Variants in USP37 observed in about 807,000 individuals in gnomAD.
USP37 encodes ubiquitin carboxyl-terminal hydrolase 37.
In USP37, 27 loss-of-function variants were observed where a neutral mutation model predicts 124.0. The observed-to-expected ratio is 0.22, with a 90% CI of 0.16 to 0.30. USP37 has a LOEUF of 0.30. Among genes scored for constraint, USP37 ranks in the 10% least tolerant of loss-of-function variants. USP37 has a pLI of 1.00. For missense variants in USP37, 889 were observed against 1,140.4 expected (o/e 0.78, Z 3.17); for synonymous variants, 365 against 388.0 (o/e 0.94, Z 0.70).
At chr2:218,461,515 AAAAAAAG>A (rs1402013490) in intron 22 of USP37, among the ~76,000 whole-genome samples, 1 of 151,686 alleles carries the variant, frequency 6.6e-6, no homozygotes, top group African/African-American at 2.4e-5. Flanking sequence ...TCAAAAGAAA[AAAAAAAG>A]AAAAAAGAAA....
chr2:218,467,211 G>A (rs1690381025), intron 20 of USP37, among the ~76,000 whole-genome samples: 1 of 148,372 alleles, frequency 6.7e-6, no homozygotes. Context: ...CCAGGCTGGA[G>A]TGCAGTGGCT....
rs1219379115 is a variant in USP37, at chr2:218,463,363, C to T, written c.2470G>A (p.Ala824Thr). The change falls in exon 22 of 26, where the codon GCT becomes ACT. Residue 824 changes from alanine (A) to threonine (T), a missense_variant. Physicochemically the swap from Ala to Thr is moderately conservative, Grantham distance 58 (BLOSUM62 0). Coordinates refer to ENST00000258399, the MANE Select transcript of USP37 (RefSeq NM_020935.3). ...ALAQSLQEQE[A>T]WEQKEDDDLK... The stretch of plus-strand genomic sequence containing the variant: ...TCATCATCTTCTTTCTGTTCCCAAG[C>T]CTCCTAAAGGGAAAAGAACAAAAAC... 1.2e-6 allele frequency: 2 copies of T among 1,613,748 alleles called. No homozygotes were observed. The highest frequency in any genetic ancestry group is 2.7e-5 in the African/African-American group (2 of 74,836).
intron 18 of USP37, among the ~76,000 whole-genome samples, chr2:218,479,085 A>G (rs1453881356): frequency 6.6e-6 from 1 of 152,224 alleles, no homozygotes; most frequent in African/African-American, 2.4e-5. Context: ...CTTAGAGGAA[A>G]TATATTTAAA....
At chr2:218,565,979 G>A (rs571558038) in intron 1 of USP37, among the ~76,000 whole-genome samples, 2 of 152,262 alleles carry the variant, frequency 1.3e-5, no homozygotes, top group East Asian at 3.9e-4. Context: ...AATTTAGGGG[G>A]CGGAGGTTGC....
intron 19 of USP37, among the ~76,000 whole-genome samples, chr2:218,475,925 CA>C (rs5838701): frequency 2.8e-4 from 40 of 142,424 alleles, no homozygotes; most frequent in Non-Finnish European, 2.9e-4. Flanking sequence ...GACTCCGTCT[CA>C]AAAAAAAAAA....
At position 218,460,717 on chromosome 2, in the gene USP37, C is replaced by T. The variant is rs188036658; in HGVS notation, c.2528-812G>A. Among the ~76,000 whole-genome samples, 501 of 151,584 alleles carry T rather than the reference C, an allele frequency of 3.3e-3. 12 individuals are homozygous for T. Among genetic ancestry groups the T allele is most frequent in the Admixed American group, 0.032 (494 of 15,206 alleles). On this transcript the variant is annotated intron_variant, in intron 22 of 25. Coordinates refer to ENST00000258399, the MANE Select transcript of USP37 (RefSeq NM_020935.3). ...CAGCACTTTGGGAGGCTGAGGTGGG[C>T]GGATCACAAGGTCAAGAGATCAAGA... is the stretch of plus-strand genomic sequence containing the variant.
In USP37 at chr2:218,450,418, C is replaced by T. The variant is rs1423027765; in HGVS notation, c.*4512G>A. 1 of 152,612 alleles carries T rather than the reference C, an allele frequency of 6.6e-6. No homozygotes were observed. Among genetic ancestry groups the T allele is most frequent in the Admixed American group, 6.5e-5 (1 of 15,274 alleles). 9.5% of individuals were successfully genotyped at this position (152,612 alleles called of 1,614,324 possible). The stretch of plus-strand genomic sequence containing the variant: ...AACATAAAGAATCAGAATCAAAAGT[C>T]ACTCTGAACATAAAGAAAAAAAATC... On this transcript the variant is annotated 3_prime_UTR_variant, in exon 26 of 26. Transcript: ENST00000258399.
intron 14 of USP37, among the ~76,000 whole-genome samples, chr2:218,495,107 A>T (rs11888001): frequency 0.028 from 4,222 of 152,268 alleles, 190 homozygotes; most frequent in African/African-American, 0.095. Context: ...TAAAGTATTT[A>T]AATTTTCCTC....
chr2:218,550,529 A>G (rs1692607343), intron 5 of USP37, among the ~76,000 whole-genome samples: 1 of 151,956 alleles, frequency 6.6e-6, no homozygotes, highest in South Asian at 2.1e-4. Context: ...ACATCCTTTC[A>G]CAAACCTTTT....
At chr2:218,532,233 T>C (rs1044538524) in intron 9 of USP37, among the ~76,000 whole-genome samples, 2 of 152,088 alleles carry the variant, frequency 1.3e-5, no homozygotes, top group African/African-American at 4.8e-5. Flanking sequence ...TTTGAGATAC[T>C]GAGGCAGGCG....
chr2:218,526,989 C>T (rs534291640), intron 10 of USP37, among the ~76,000 whole-genome samples: 1 of 151,990 alleles, frequency 6.6e-6, no homozygotes, highest in East Asian at 1.9e-4. Flanking sequence ...GGGGTTTCAC[C>T]GTGTTAGCCA....
At chr2:218,479,744 T>A in intron 17 of USP37, 29 bp from the exon 18 acceptor site, 1 of 1,324,882 alleles carries the variant, frequency 7.5e-7, no homozygotes, top group Non-Finnish European at 1.0e-6. Context: ...ATATATAATG[T>A]ATACAAATGA....
intron 14 of USP37, 35 bp downstream of exon 14, chr2:218,495,725 G>A: frequency 1.3e-6 from 2 of 1,563,462 alleles, no homozygotes; most frequent in Non-Finnish European, 1.7e-6. Context: ...CCATAAAGAA[G>A]TAAAAAGGGA....
At chr2:218,567,202 T>A (rs972191564) in intron 1 of USP37, among the ~76,000 whole-genome samples, 1 of 152,212 alleles carries the variant, frequency 6.6e-6, no homozygotes, top group Non-Finnish European at 1.5e-5. Context: ...TGAGTACTTT[T>A]ATATCACTGG....
chr2:218,506,286 CTTTTTTT>C (rs60620765), intron 11 of USP37, among the ~76,000 whole-genome samples: 3 of 72,618 alleles, frequency 4.1e-5, no homozygotes, highest in Non-Finnish European at 7.3e-5. Context: ...TTCTTTCTGG[CTTTTTTT>C]TTTTTTTTTT....
intron 24 of USP37, 111 bp downstream of exon 24, chr2:218,456,976 AAAAAG>A: frequency 5.1e-5 from 56 of 1,100,012 alleles, no homozygotes; most frequent in African/African-American, 6.5e-5. Context: ...TCTCAAAAAA[AAAAAG>A]AAAAAGAAAA....
chr2:218,455,137 C>T (rs1167688996), intron 25 of USP37, 120 bp from the exon 26 acceptor site: 2 of 1,178,298 alleles, frequency 1.7e-6, no homozygotes, highest in East Asian at 2.4e-5. Flanking sequence ...CCATTTCATG[C>T]CTGTATTTTA....
At chr2:218,455,763 C>G in intron 24 of USP37, 45 bp from the exon 25 acceptor site, 1 of 1,591,994 alleles carries the variant, frequency 6.3e-7, no homozygotes, top group Non-Finnish European at 8.6e-7. Context: ...AAAAACACAC[C>G]GAAGCTGGGC....
intron 14 of USP37, among the ~76,000 whole-genome samples, chr2:218,491,748 C>T (rs1012386700): frequency 6.6e-6 from 1 of 152,046 alleles, no homozygotes; most frequent in African/African-American, 2.4e-5. Context: ...GTAAAACATA[C>T]AGTATGTTAG....
Sources: allele counts gnomAD v4.1 joint callset (sites outside exome capture counted in the v4.1 genomes callset), GRCh38; gene constraint gnomAD v4.1.1; transcripts MANE v1.5; gene names NCBI Gene and HGNC (gene_info 2026-07-23, HGNC 2026-07-21).